TUBE1: variants seen among roughly 807,000 people sequenced by gnomAD.
The protein encoded by TUBE1 is tubulin epsilon chain.
Under a neutral mutation model 53.5 loss-of-function variants are expected in TUBE1, and 34 were observed. The observed-to-expected ratio is 0.64, with a 90% confidence interval of 0.48 to 0.85. The LOEUF (loss-of-function observed/expected upper bound fraction) is 0.85. Among genes scored for constraint, TUBE1 ranks in the 40% least tolerant of loss-of-function variants. TUBE1 has a pLI of 0.00. For missense variants in TUBE1, 532 were observed against 570.5 expected (o/e 0.93, Z 0.69); for synonymous variants, 177 against 198.4 (o/e 0.89, Z 0.91).
At chr6:112,086,446 A>C in intron 3 of TUBE1, 110 bp downstream of exon 3, 1 of 683,376 alleles carries the variant, frequency 1.5e-6, no homozygotes, top group East Asian at 2.9e-5. Context: ...ATAATGAAAC[A>C]AAAAAACACA....
chr6:112,081,937 TAA>T (rs1184625264), intron 4 of TUBE1, among the ~76,000 whole-genome samples: 1 of 150,748 alleles, frequency 6.6e-6, no homozygotes, highest in Non-Finnish European at 1.5e-5. Flanking sequence ...GGAAGAAGAG[TAA>T]AAAAGTAAAC....
Position 112,071,310 on chromosome 6 carries a change from A to G in TUBE1, c.*102T>C. The G allele has an allele frequency of 1.7e-6, 2 of 1,158,332 alleles. No homozygotes were observed. The highest frequency in any genetic ancestry group is 2.3e-6 in the Non-Finnish European group (2 of 864,856). The allele number at this position is 1,158,332 out of a possible 1,614,324, so 71.8% of individuals were successfully genotyped here. A position where few individuals can be genotyped will look rare whatever the true frequency, so the allele number is the denominator to read the frequency against. On this transcript the variant is annotated 3_prime_UTR_variant, in exon 12 of 12. Coordinates refer to ENST00000368662, the MANE Select transcript of TUBE1 (RefSeq NM_016262.5). ...CTCTTTTAGACAAAAATATTTCCCG[A>G]TAATATGAAAAAACTGGAGTTTCCA...
intron 5 of TUBE1, 23 bp from the exon 6 acceptor site, chr6:112,079,777 TA>T: frequency 6.3e-7 from 1 of 1,587,146 alleles, no homozygotes; most frequent in Non-Finnish European, 8.5e-7. Context: ...ATATGGATTT[TA>T]AAAATTCCTT....
At chr6:112,071,853 T>TAA (rs2114476912) in intron 11 of TUBE1, 49 bp downstream of exon 11, 1 of 1,523,048 alleles carries the variant, frequency 6.6e-7, no homozygotes, top group Non-Finnish European at 8.8e-7. Flanking sequence ...GAATACATCT[T>TAA]AAATAGCCAA....
chr6:112,076,905 C>G (rs587731705), intron 6 of TUBE1: 3 of 153,316 alleles, frequency 2.0e-5, no homozygotes, highest in Non-Finnish European at 2.9e-5. Context: ...CAGCTTATTT[C>G]TGTGATTATA....
At chr6:112,079,432 AAAAAG>A (rs1409752038) in intron 6 of TUBE1, 196 bp downstream of exon 6, 46 of 432,548 alleles carry the variant, frequency 1.1e-4, no homozygotes, top group Admixed American at 3.5e-4. Flanking sequence ...AAAAAAAAAA[AAAAAG>A]AAAAGAAAAG....
rs1221733143 is a variant in TUBE1 at position 112,087,284 on chromosome 6, G to T, written c.48C>A (p.Ile16=). ...GTGCCAGGTCCCAGAAGCAGCAGCC[G>T]ATCTGGTTTCCGCACTGGCCGACTG... ...VVQVGQCGNQ[I]GCCFWDLALR... is the part of the protein sequence containing the mutation. The change falls in exon 2 of 12, where the codon ATC becomes ATA. Residue 16 remains isoleucine (I), a synonymous_variant. Coordinates refer to ENST00000368662, the MANE Select transcript of TUBE1 (RefSeq NM_016262.5). 1.3e-6 allele frequency: 2 copies of T among 1,552,442 alleles called. No homozygotes were observed. Among genetic ancestry groups the T allele is most frequent in the East Asian group, 4.9e-5 (2 of 41,036 alleles).
At chr6:112,086,996 A>T in intron 2 of TUBE1, 1 of 553,344 alleles carries the variant, frequency 1.8e-6, no homozygotes, top group Non-Finnish European at 3.2e-6. Context: ...GCACACGAAC[A>T]CCAATAAAGA....
In TUBE1 at chr6:112,071,489, T is replaced by C; in HGVS notation, c.1351A>G (p.Ile451Val). ...GCGTCCAGTTGGTCATATTCCTGTA[T>C]GAGTGCTGATAAAGATGACACAGCT... ...TEAVSSLSAL[I>V]QEYDQLDATK... is the part of the protein sequence containing the mutation. The change falls in exon 12 of 12, where the codon ATA becomes GTA. Residue 451 changes from isoleucine to valine, a missense_variant. Coordinates refer to ENST00000368662, the MANE Select transcript of TUBE1 (RefSeq NM_016262.5). 3.7e-6 allele frequency: 6 copies of C among 1,612,928 alleles called. No homozygotes were observed. The Admixed American group carries it at 6.7e-5, about 18-fold the overall frequency.
chr6:112,085,750 A>T (rs587712526), intron 3 of TUBE1: 2 of 470,624 alleles, frequency 4.2e-6, no homozygotes, highest in East Asian at 1.4e-4. Flanking sequence ...TTTCCTACAA[A>T]AGATAAAGTA....
chr6:112,084,777 T>C (rs1777122836), intron 3 of TUBE1, among the ~76,000 whole-genome samples: 1 of 152,230 alleles, frequency 6.6e-6, no homozygotes, highest in Admixed American at 6.5e-5. Flanking sequence ...ACCATTAATG[T>C]AGTTTTCTAT....
At chr6:112,073,226 T>A (rs1776900219) in intron 9 of TUBE1, among the ~76,000 whole-genome samples, 1 of 152,092 alleles carries the variant, frequency 6.6e-6, no homozygotes, top group Non-Finnish European at 1.5e-5. Flanking sequence ...TGTATTATTA[T>A]TACTTAGTTC....
In TUBE1 at chr6:112,084,213, T is replaced by C; in HGVS notation, c.186A>G (p.Gly62=). The part of the protein sequence containing the change: ...VVGDGGSISK[G]KICSLKARAV... ...CTCGTGCTTTTAAAGAACATATTTT[T>C]CCCTTGGAAATACTTCCACCATCAC... The change falls in exon 4 of 12, where the codon GGA becomes GGG. Residue 62 remains glycine (G), a synonymous_variant. Transcript: ENST00000368662. The C allele has an allele frequency of 1.2e-6, 2 of 1,613,254 alleles. No individual in the cohort carries two copies. The highest frequency in any genetic ancestry group is 1.1e-5 in the South Asian group (1 of 91,050).
intron 6 of TUBE1, 112 bp downstream of exon 6, chr6:112,079,521 C>T (rs973841340): frequency 1.1e-5 from 12 of 1,081,594 alleles, no homozygotes; most frequent in African/African-American, 4.9e-5. Flanking sequence ...ACACACCCTC[C>T]GAATAGTTCT....
intron 3 of TUBE1, chr6:112,085,464 A>C (rs1483573363): frequency 3.0e-6 from 1 of 332,010 alleles, no homozygotes; most frequent in Non-Finnish European, 5.9e-6. Context: ...TACTCAATGT[A>C]AGCGTTGGGT....
intron 8 of TUBE1, 66 bp from the exon 9 acceptor site, chr6:112,074,916 G>C: frequency 8.9e-7 from 1 of 1,126,766 alleles, no homozygotes; most frequent in South Asian, 2.0e-5. Context: ...AATGTAGCTC[G>C]ATTTATTCAG....
intron 6 of TUBE1, chr6:112,079,421 T>TAAAAAA (rs60207053): frequency 4.5e-5 from 14 of 310,976 alleles, no homozygotes; most frequent in East Asian, 1.0e-4. Flanking sequence ...GGGCTTACAT[T>TAAAAAA]AAAAAAAAAA....
chr6:112,086,970 C>A (rs1195948274), intron 2 of TUBE1: 40 of 535,696 alleles, frequency 7.5e-5, no homozygotes, highest in Non-Finnish European at 6.6e-6. Context: ...TTCCCATATA[C>A]AAATCTCACT....
chr6:112,073,325 A>G (rs1776901895), intron 9 of TUBE1, among the ~76,000 whole-genome samples: 1 of 152,200 alleles, frequency 6.6e-6, no homozygotes. Context: ...AAAGTATATT[A>G]TATCATAAAT....
Sources: gnomAD v4.1 joint callset for allele counts (sites outside exome capture counted in the v4.1 genomes callset) on GRCh38, gnomAD v4.1.1 for gene constraint, MANE v1.5 for transcripts, NCBI Gene and HGNC (gene_info 2026-07-23, HGNC 2026-07-21) for gene names.